Variants in TNRC6B observed in about 807,000 individuals in gnomAD.
TNRC6B encodes the protein trinucleotide repeat-containing gene 6B protein.
In TNRC6B, 52 loss-of-function variants were observed where a neutral mutation model predicts 203.6. The observed-to-expected ratio is 0.26, with a 90% CI of 0.20 to 0.32. The LOEUF (loss-of-function observed/expected upper bound fraction) is 0.32. Among genes scored for constraint, TNRC6B ranks in the 10% least tolerant of loss-of-function variants. TNRC6B has a pLI of 1.00. For synonymous variants in TNRC6B, 838 were observed against 845.7 expected (o/e 0.99, Z 0.16); for missense variants, 1,923 against 2,286.2 (o/e 0.84, Z 3.24).
intron 3 of TNRC6B, among the ~76,000 whole-genome samples, chr22:40,257,805 C>T (rs755713633): frequency 3.3e-5 from 5 of 152,056 alleles, no homozygotes; most frequent in Non-Finnish European, 5.9e-5. Flanking sequence ...GGCAGATCAC[C>T]TGAAGTCAGG....
chr22:40,314,221 A>T (rs2071226798), intron 19 of TNRC6B, among the ~76,000 whole-genome samples: 1 of 152,198 alleles, frequency 6.6e-6, no homozygotes, highest in Admixed American at 6.5e-5. Context: ...CAACTCAGTT[A>T]TGTTTCTTAA....
At chr22:40,291,075 A>G (rs1172719209) in intron 12 of TNRC6B, among the ~76,000 whole-genome samples, 3 of 152,190 alleles carry the variant, frequency 2.0e-5, no homozygotes, top group Non-Finnish European at 4.4e-5. Flanking sequence ...TAAAAAATGA[A>G]GCAGTTGGGT....
At chr22:40,313,556 G>T (rs1259755759) in intron 19 of TNRC6B, among the ~76,000 whole-genome samples, 1 of 152,224 alleles carries the variant, frequency 6.6e-6, no homozygotes, top group Admixed American at 6.5e-5. Context: ...CACTCACTGA[G>T]CATAGTGCCT....
chr22:40,094,867 A>G (rs1434211945), intron 1 of TNRC6B, among the ~76,000 whole-genome samples: 1 of 152,092 alleles, frequency 6.6e-6, no homozygotes, highest in Non-Finnish European at 1.5e-5. Context: ...TACCACTTGC[A>G]TGTAGTTGAG....
At chr22:40,202,161 A>C (rs2069420605) in intron 1 of TNRC6B, among the ~76,000 whole-genome samples, 1 of 152,134 alleles carries the variant, frequency 6.6e-6, no homozygotes, top group Non-Finnish European at 1.5e-5. Context: ...GTTGAGTTAA[A>C]GTCATTTAAT....
At chr22:40,146,938 C>T (rs1291965914) in intron 3 of TNRC6B, among the ~76,000 whole-genome samples, 1 of 147,586 alleles carries the variant, frequency 6.8e-6, no homozygotes, top group Non-Finnish European at 1.5e-5. Context: ...AAAGAAATGA[C>T]GGAAGATGGT....
chr22:40,098,974 A>G (rs999797111), intron 1 of TNRC6B, among the ~76,000 whole-genome samples: 6 of 152,122 alleles, frequency 3.9e-5, no homozygotes, highest in African/African-American at 1.4e-4. Flanking sequence ...AAGTAGGACC[A>G]GGCACGGTGG....
intron 3 of TNRC6B, among the ~76,000 whole-genome samples, chr22:40,132,969 A>AAAAAAAAAATAT (rs1282694632): frequency 1.3e-5 from 1 of 78,190 alleles, no homozygotes; most frequent in Admixed American, 1.9e-4. Flanking sequence ...AAAAAAAAAA[A>AAAAAAAAAATAT]ATATATATAT....
At chr22:40,078,989 G>T (rs371043685) in intron 1 of TNRC6B, among the ~76,000 whole-genome samples, 1 of 151,648 alleles carries the variant, frequency 6.6e-6, no homozygotes, top group Non-Finnish European at 1.5e-5. Flanking sequence ...CAGGAGAGTC[G>T]CATGAACTCG....
chr22:40,185,034 A>G (rs571735340), intron 1 of TNRC6B, among the ~76,000 whole-genome samples: 34 of 152,174 alleles, frequency 2.2e-4, no homozygotes, highest in Non-Finnish European at 3.4e-4. Flanking sequence ...CTTGCTCGCC[A>G]GGCTGGAGTG....
chr22:40,296,478 C>T (rs1041708662), intron 12 of TNRC6B, among the ~76,000 whole-genome samples: 1 of 151,664 alleles, frequency 6.6e-6, no homozygotes, highest in Non-Finnish European at 1.5e-5. Context: ...ACTACAGGCG[C>T]CCGCCATCAC....
chr22:40,057,438 C>T (rs1271468125), intron 1 of TNRC6B, among the ~76,000 whole-genome samples: 2 of 151,878 alleles, frequency 1.3e-5, no homozygotes, highest in African/African-American at 2.4e-5. Context: ...GGATCACAGG[C>T]GTGTGCCACC....
At chr22:40,048,885 G>T (rs2067719141) in intron 1 of TNRC6B, among the ~76,000 whole-genome samples, 1 of 151,872 alleles carries the variant, frequency 6.6e-6, no homozygotes, top group East Asian at 2.0e-4. Context: ...CTGTCGCCCA[G>T]GCTGGAGTGA....
intron 3 of TNRC6B, among the ~76,000 whole-genome samples, chr22:40,129,540 T>A (rs1453354192): frequency 1.3e-5 from 2 of 152,006 alleles, no homozygotes; most frequent in Non-Finnish European, 2.9e-5. Context: ...ATCATAGAAA[T>A]CAAAAGGGGA....
At chr22:40,225,511 T>G (rs1415832077) in intron 1 of TNRC6B, among the ~76,000 whole-genome samples, 1 of 152,128 alleles carries the variant, frequency 6.6e-6, no homozygotes, top group Non-Finnish European at 1.5e-5. Flanking sequence ...GGCAGACCAC[T>G]TGAGGTCAGG....
chr22:40,314,515 G>C (rs1459500428), intron 19 of TNRC6B, among the ~76,000 whole-genome samples: 2 of 152,238 alleles, frequency 1.3e-5, no homozygotes, highest in Non-Finnish European at 2.9e-5. Context: ...TCCATACACA[G>C]AGAGTTTATG....
At chr22:40,267,470 G>A (rs1377031149) in intron 5 of TNRC6B, among the ~76,000 whole-genome samples, 4 of 152,174 alleles carry the variant, frequency 2.6e-5, no homozygotes, top group South Asian at 2.1e-4. Flanking sequence ...TTTTCCAAAG[G>A]CCATGATGAT....
intron 1 of TNRC6B, among the ~76,000 whole-genome samples, chr22:40,059,181 G>T (rs547547905): frequency 6.6e-6 from 1 of 152,110 alleles, no homozygotes; most frequent in Non-Finnish European, 1.5e-5. Context: ...TTTTCTCCCT[G>T]CTTCTGGCTG....
intron 1 of TNRC6B, among the ~76,000 whole-genome samples, chr22:40,047,201 A>G (rs1313006352): frequency 6.6e-6 from 1 of 152,106 alleles, no homozygotes; most frequent in African/African-American, 2.4e-5. Context: ...CGCGTGTTTC[A>G]TTTTGCCTCC....
Sources: gnomAD v4.1 joint callset for allele counts (sites outside exome capture counted in the v4.1 genomes callset) on GRCh38, gnomAD v4.1.1 for gene constraint, MANE v1.5 for transcripts, NCBI Gene and HGNC (gene_info 2026-07-23, HGNC 2026-07-21) for gene names.